Variants in CADPS2 observed in about 807,000 individuals in gnomAD.
CADPS2 encodes the protein calcium-dependent secretion activator 2.
A neutral mutation model predicts 172.5 loss-of-function variants in CADPS2; 93 were observed. That is an observed-to-expected ratio of 0.54 (90% CI 0.46 to 0.64). The LOEUF is 0.64. Ranked by LOEUF, CADPS2 falls within the 30% of genes least tolerant of loss-of-function variation. CADPS2 has a pLI of 0.00. For missense variants in CADPS2, 1,420 were observed against 1,565.9 expected, an observed-to-expected ratio of 0.91 and a Z score of 1.57; for synonymous variants, 546 against 555.2, an observed-to-expected ratio of 0.98 and a Z score of 0.23.
chr7:122,678,174 T>C (rs1414634885), intron 2 of CADPS2, among the ~76,000 whole-genome samples: 1 of 152,220 alleles, frequency 6.6e-6, no homozygotes, highest in African/African-American at 2.4e-5. Context: ...GAAGTTTTCA[T>C]GAATTCAAAG....
chr7:122,726,148 C>T (rs546721667), intron 2 of CADPS2, among the ~76,000 whole-genome samples: 2 of 152,036 alleles, frequency 1.3e-5, no homozygotes, highest in Admixed American at 1.3e-4. Context: ...TAAGATTCTC[C>T]ATACTGTCTT....
At chr7:122,433,861 T>C (rs1025651526) in intron 17 of CADPS2, among the ~76,000 whole-genome samples, 2 of 152,230 alleles carry the variant, frequency 1.3e-5, no homozygotes, top group African/African-American at 2.4e-5. Context: ...AAGTCCCTTT[T>C]GTTCTCTCCT....
chr7:122,738,844 CCA>C (rs1491265086), intron 1 of CADPS2, among the ~76,000 whole-genome samples: 1 of 126,630 alleles, frequency 7.9e-6, no homozygotes, highest in Non-Finnish European at 1.7e-5. Context: ...CCTATTGTAC[CCA>C]GGGGGGGAAA....
At chr7:122,786,046 T>C (rs1263711868) in intron 1 of CADPS2, among the ~76,000 whole-genome samples, 2 of 152,240 alleles carry the variant, frequency 1.3e-5, no homozygotes, top group African/African-American at 4.8e-5. Context: ...TATGGACTTT[T>C]ATTTTCCACA....
intron 8 of CADPS2, among the ~76,000 whole-genome samples, chr7:122,548,882 G>A (rs73218218): frequency 0.022 from 3,303 of 152,024 alleles, 78 homozygotes; most frequent in African/African-American, 0.054. Flanking sequence ...AAAGTTAGCA[G>A]AAAAATAAAC....
At chr7:122,355,518 G>A (rs1189854181) in intron 27 of CADPS2, among the ~76,000 whole-genome samples, 1 of 151,852 alleles carries the variant, frequency 6.6e-6, no homozygotes, top group Non-Finnish European at 1.5e-5. Context: ...GAGGTTGGAG[G>A]TTGCAGTGAG....
At chr7:122,855,339 T>C (rs1471971625) in intron 1 of CADPS2, among the ~76,000 whole-genome samples, 3 of 152,202 alleles carry the variant, frequency 2.0e-5, no homozygotes, top group Non-Finnish European at 2.9e-5. Context: ...TAGCAATCCA[T>C]TACCTGATAC....
chr7:122,611,513 A>T (rs190093816), intron 6 of CADPS2, among the ~76,000 whole-genome samples: 19 of 152,240 alleles, frequency 1.2e-4, no homozygotes, highest in African/African-American at 4.6e-4. Flanking sequence ...TTGCACCAAC[A>T]TAACAGGAAA....
chr7:122,854,371 A>G (rs1814598051), intron 1 of CADPS2, among the ~76,000 whole-genome samples: 1 of 152,094 alleles, frequency 6.6e-6, no homozygotes, highest in African/African-American at 2.4e-5. Flanking sequence ...GTCCTGTCTC[A>G]GAAAAAAAAG....
intron 1 of CADPS2, among the ~76,000 whole-genome samples, chr7:122,751,071 A>T (rs1397873585): frequency 6.6e-6 from 1 of 152,196 alleles, no homozygotes; most frequent in Non-Finnish European, 1.5e-5. Context: ...CACTCATGAC[A>T]AAGAAATATG....
At chr7:122,849,323 G>T (rs531264503) in intron 1 of CADPS2, among the ~76,000 whole-genome samples, 64 of 152,246 alleles carry the variant, frequency 4.2e-4, no homozygotes, top group African/African-American at 1.5e-3. Context: ...AATTTGCTTA[G>T]TCAAAAATCA....
intron 20 of CADPS2, among the ~76,000 whole-genome samples, 194 bp from the exon 21 acceptor site, chr7:122,393,776 A>G (rs373975209): frequency 6.6e-6 from 1 of 152,202 alleles, no homozygotes; most frequent in Non-Finnish European, 1.5e-5. Flanking sequence ...TTAGCCTTCT[A>G]TATATGGCTG....
intron 4 of CADPS2, among the ~76,000 whole-genome samples, chr7:122,623,821 G>T (rs2075824919): frequency 6.6e-6 from 1 of 152,084 alleles, no homozygotes; most frequent in African/African-American, 2.4e-5. Context: ...CAAAGAAAAA[G>T]GCGAGCATGT....
chr7:122,645,347 G>GTATACACACATATGTACA (rs1563947582), intron 3 of CADPS2, among the ~76,000 whole-genome samples: 2 of 60,700 alleles, frequency 3.3e-5, no homozygotes, highest in Non-Finnish European at 7.0e-5. Flanking sequence ...ACATGTACAT[G>GTATACACACATATGTACA]TGTGTGTATA....
intron 20 of CADPS2, among the ~76,000 whole-genome samples, chr7:122,395,793 G>A (rs796571914): frequency 1.3e-5 from 2 of 151,662 alleles, no homozygotes; most frequent in African/African-American, 4.8e-5. Context: ...GAAACTCTAC[G>A]AGGGAGGATT....
intron 8 of CADPS2, among the ~76,000 whole-genome samples, chr7:122,514,686 A>T (rs1230891351): frequency 6.6e-6 from 1 of 152,176 alleles, no homozygotes; most frequent in East Asian, 1.9e-4. Flanking sequence ...TGTATGCTGT[A>T]GGGATACATA....
chr7:122,798,817 C>T (rs1796951904), intron 1 of CADPS2, among the ~76,000 whole-genome samples: 1 of 151,836 alleles, frequency 6.6e-6, no homozygotes, highest in Non-Finnish European at 1.5e-5. Flanking sequence ...ACAGAAAATA[C>T]TTATGTACAC....
chr7:122,362,906 A>C (rs2040364995), intron 25 of CADPS2, among the ~76,000 whole-genome samples: 1 of 152,186 alleles, frequency 6.6e-6, no homozygotes, highest in Non-Finnish European at 1.5e-5. Context: ...CCATCACATC[A>C]TTTGCGACAT....
chr7:122,660,004 A>C (rs2109968), intron 3 of CADPS2, among the ~76,000 whole-genome samples: 2 of 152,012 alleles, frequency 1.3e-5, no homozygotes, highest in East Asian at 3.9e-4. Flanking sequence ...ACATGATAAA[A>C]GTTCTTCAGA....
Sources: allele counts gnomAD v4.1 joint callset (sites outside exome capture counted in the v4.1 genomes callset), GRCh38; gene constraint gnomAD v4.1.1; transcripts MANE v1.5; gene names NCBI Gene and HGNC (gene_info 2026-07-23, HGNC 2026-07-21).